AHCYL2: variants seen among roughly 807,000 people sequenced by gnomAD.
The protein encoded by AHCYL2 is S-adenosylhomocysteine hydrolase-like protein 2.
In AHCYL2, 28 loss-of-function variants were observed where a neutral mutation model predicts 81.4. The ratio of observed to expected loss-of-function variants is 0.34; its 90% confidence interval spans 0.25 to 0.47. The LOEUF (loss-of-function observed/expected upper bound fraction) is 0.47, where lower values mean the gene tolerates loss of function less well. Among genes scored for constraint, AHCYL2 ranks in the 20% least tolerant of loss-of-function variants. The pLI, the probability that AHCYL2 is intolerant of heterozygous loss-of-function variation, is 1.00. For synonymous variants in AHCYL2, 272 were observed against 290.2 expected, an observed-to-expected ratio of 0.94 and a Z score of 0.64; for missense variants, 551 against 785.1, an observed-to-expected ratio of 0.70 and a Z score of 3.56.
At chr7:129,269,956 C>T (rs2150727115) in intron 1 of AHCYL2, among the ~76,000 whole-genome samples, 1 of 152,180 alleles carries the variant, frequency 6.6e-6, no homozygotes, top group South Asian at 2.1e-4. Flanking sequence ...ACCATTTTTG[C>T]TCCTATCTAC....
chr7:129,250,140 A>G (rs1795200886), intron 1 of AHCYL2, among the ~76,000 whole-genome samples: 2 of 151,052 alleles, frequency 1.3e-5, no homozygotes, highest in Non-Finnish European at 3.0e-5. Context: ...ATCTCTTCCA[A>G]AAAAAAAAGT....
At chr7:129,230,636 G>T (rs777192950) in intron 1 of AHCYL2, among the ~76,000 whole-genome samples, 1 of 149,850 alleles carries the variant, frequency 6.7e-6, no homozygotes, top group East Asian at 2.0e-4. Flanking sequence ...GCAGTGGTGC[G>T]GTCTTGGCTC....
At chr7:129,309,187 A>G (rs924482005) in intron 1 of AHCYL2, among the ~76,000 whole-genome samples, 7 of 152,112 alleles carry the variant, frequency 4.6e-5, no homozygotes, top group Non-Finnish European at 1.0e-4. Flanking sequence ...AGCTGAGATC[A>G]TGCCACTGCA....
chr7:129,295,536 A>G (rs1006237070), intron 1 of AHCYL2, among the ~76,000 whole-genome samples: 5 of 152,204 alleles, frequency 3.3e-5, no homozygotes, highest in Admixed American at 1.3e-4. Flanking sequence ...CCATCTAGTC[A>G]TTATTTGGTA....
Position 129,299,615 on chromosome 7 carries a change from G to A in AHCYL2, c.363+74176G>A, listed in dbSNP as rs866057226. Among the ~76,000 whole-genome samples the A allele has an allele frequency of 6.6e-5, 10 of 151,978 alleles. 2 individuals are homozygous for A. Among genetic ancestry groups the A allele is most frequent in the Middle Eastern group, 6.8e-3 (2 of 294 alleles). ...TCACCATGTTAGCTAGGATGGTGTC[G>A]ATCTCCTTACCTCGTGATCCACCCG... On this transcript the variant is annotated intron_variant, in intron 1 of 16. Coordinates refer to ENST00000325006, the MANE Select transcript of AHCYL2 (RefSeq NM_015328.4).
Position 129,406,607 on chromosome 7 carries a change from G to A in AHCYL2, c.1295+141G>A. On this transcript the variant is annotated intron_variant, in intron 10 of 16. Coordinates refer to ENST00000325006, the MANE Select transcript of AHCYL2 (RefSeq NM_015328.4). This position sits in a 1 kb window ranked among gnomAD's most constrained non-coding sequence, Gnocchi z 4.3. ...ACTCTAAGCATCTGTCTTTTAAAAA[G>A]GTCAAGGAGCTCTGCTTGGAGAGAG... 2 of 813,304 alleles carry A rather than the reference G, an allele frequency of 2.5e-6. No homozygotes were observed. Among genetic ancestry groups the A allele is most frequent in the South Asian group, 1.6e-5 (1 of 60,746 alleles). 50.4% of individuals were successfully genotyped at this position (813,304 alleles called of 1,614,324 possible).
intron 4 of AHCYL2, among the ~76,000 whole-genome samples, chr7:129,390,352 A>G (rs891207482): frequency 1.2e-4 from 18 of 152,336 alleles, no homozygotes; most frequent in Admixed American, 2.6e-4. Context: ...CATTTTATAT[A>G]AGGGACATGA....
chr7:129,425,383 A>AT (rs373740634), intron 15 of AHCYL2, among the ~76,000 whole-genome samples: 45 of 150,310 alleles, frequency 3.0e-4, no homozygotes, highest in African/African-American at 6.4e-4. Context: ...AATTTTAAGG[A>AT]TTTTTTTTTT....
At chr7:129,387,402 CA>C (rs1283080327) in intron 2 of AHCYL2, among the ~76,000 whole-genome samples, 1 of 152,116 alleles carries the variant, frequency 6.6e-6, no homozygotes. Context: ...TTTATACACC[CA>C]AAAACAGAGA....
At chr7:129,308,038 A>G (rs555658263) in intron 1 of AHCYL2, among the ~76,000 whole-genome samples, 7 of 151,830 alleles carry the variant, frequency 4.6e-5, no homozygotes, top group African/African-American at 1.7e-4. Flanking sequence ...GGGAGCTTCA[A>G]GCTGCACTGC....
At chr7:129,403,884 A>AAAAAAAAAAAC in intron 7 of AHCYL2, among the ~76,000 whole-genome samples, 1 of 117,886 alleles carries the variant, frequency 8.5e-6, no homozygotes, top group African/African-American at 3.3e-5. Context: ...AAAAAAAAAA[A>AAAAAAAAAAAC]AAAAAAATTG....
intron 1 of AHCYL2, among the ~76,000 whole-genome samples, chr7:129,346,361 C>T (rs144004913): frequency 5.3e-5 from 8 of 152,038 alleles, no homozygotes; most frequent in African/African-American, 1.4e-4. Context: ...AAACCACAGA[C>T]GGAGAGAAAA....
intron 1 of AHCYL2, among the ~76,000 whole-genome samples, chr7:129,321,766 G>GTTTTT (rs1315391980): frequency 5.6e-5 from 6 of 107,474 alleles, no homozygotes; most frequent in East Asian, 2.9e-4. Flanking sequence ...TTTTTTTTTG[G>GTTTTT]TCTTGGTTTT....
chr7:129,376,038 G>C, intron 1 of AHCYL2: 3 of 1,359,372 alleles, frequency 2.2e-6, no homozygotes, highest in Non-Finnish European at 3.0e-6. Flanking sequence ...CCTCCCTCTG[G>C]CATAAGGTGA....
chr7:129,326,643 C>T (rs1459892614), intron 1 of AHCYL2, among the ~76,000 whole-genome samples: 3 of 152,132 alleles, frequency 2.0e-5, no homozygotes, highest in East Asian at 3.9e-4. Flanking sequence ...GCTTGCTTGA[C>T]ACCAGTATAT....
chr7:129,261,548 A>T (rs1284453637), intron 1 of AHCYL2, among the ~76,000 whole-genome samples: 1 of 152,206 alleles, frequency 6.6e-6, no homozygotes, highest in Non-Finnish European at 1.5e-5. Context: ...CTTTTGTCAA[A>T]AGTAAAATGA....
chr7:129,233,239 C>T (rs543372477), intron 1 of AHCYL2, among the ~76,000 whole-genome samples: 1 of 152,278 alleles, frequency 6.6e-6, no homozygotes, highest in African/African-American at 2.4e-5. Flanking sequence ...GGCTGGAGTG[C>T]AGTGGTACAG....
chr7:129,305,766 G>A (rs557044451), intron 1 of AHCYL2, among the ~76,000 whole-genome samples: 4 of 152,292 alleles, frequency 2.6e-5, no homozygotes, highest in Admixed American at 1.3e-4. Flanking sequence ...TTAGTGTTTC[G>A]TATAAGACAG....
At chr7:129,269,919 TCTGA>T (rs1486085773) in intron 1 of AHCYL2, among the ~76,000 whole-genome samples, 3 of 152,240 alleles carry the variant, frequency 2.0e-5, no homozygotes, top group African/African-American at 7.2e-5. Flanking sequence ...TGTTCCAGTG[TCTGA>T]CTTTCATTTA....
Sources: gnomAD v4.1 joint callset for allele counts (sites outside exome capture counted in the v4.1 genomes callset) on GRCh38, gnomAD v4.1.1 for gene constraint, Gnocchi (gnomAD v3.1) non-coding constraint, MANE v1.5 for transcripts, NCBI Gene and HGNC (gene_info 2026-07-23, HGNC 2026-07-21) for gene names.